The following BTBD9 variants were observed in gnomAD, a reference collection of about 807,000 sequenced individuals.
The protein encoded by BTBD9 is BTB domain containing 9.
Under a neutral mutation model 64.3 loss-of-function variants are expected in BTBD9, and 49 were observed. The observed-to-expected ratio is 0.76, with a 90% CI of 0.61 to 0.97. BTBD9 has a LOEUF of 0.97. BTBD9 is among the 50% of genes least tolerant of loss of function. BTBD9 has a pLI of 0.00. For missense variants in BTBD9, 598 were observed against 762.1 expected (o/e 0.78, Z 2.53); for synonymous variants, 260 against 274.7 (o/e 0.95, Z 0.53).
chr6:38,177,698 G>A (rs770650700), intron 10 of BTBD9, among the ~76,000 whole-genome samples: 3 of 152,194 alleles, frequency 2.0e-5, no homozygotes, highest in Non-Finnish European at 2.9e-5. Context: ...CGACCTGTCG[G>A]TGCCCTGGTT....
chr6:38,381,100 C>T (rs557659268), intron 6 of BTBD9, among the ~76,000 whole-genome samples: 72 of 151,432 alleles, frequency 4.8e-4, no homozygotes, highest in African/African-American at 1.6e-3. Flanking sequence ...CAACAAATAG[C>T]AAAAAATGAT....
chr6:38,316,262 C>T (rs1356391270), intron 7 of BTBD9, among the ~76,000 whole-genome samples: 1 of 152,156 alleles, frequency 6.6e-6, no homozygotes, highest in Non-Finnish European at 1.5e-5. Flanking sequence ...TATCCATTCA[C>T]CCACTCTATG....
At chr6:38,222,539 A>C (rs187130645) in intron 9 of BTBD9, among the ~76,000 whole-genome samples, 2 of 152,072 alleles carry the variant, frequency 1.3e-5, no homozygotes, top group Non-Finnish European at 2.9e-5. Flanking sequence ...GATTACAGGC[A>C]TGAACCACTG....
At chr6:38,609,615 C>T (rs1038677813) in intron 1 of BTBD9, among the ~76,000 whole-genome samples, 5 of 152,102 alleles carry the variant, frequency 3.3e-5, no homozygotes, top group Admixed American at 2.6e-4. Context: ...AGAACAAAAA[C>T]TCTAAAGGGT....
In BTBD9 at chr6:38,296,927, T is replaced by C. The variant is rs142134553; in HGVS notation, c.1265-8466A>G. On this transcript the variant is annotated intron_variant, in intron 7 of 10. Coordinates refer to ENST00000481247, the MANE Select transcript of BTBD9 (RefSeq NM_001099272.2). ...CTTTGTGGTCTAGTACATGGCTAAT[T>C]CTTATGAATGTCTTATGTGTGCCTC... Among the ~76,000 whole-genome samples, 265 of 152,328 alleles carry C rather than the reference T, an allele frequency of 1.7e-3. 2 individuals are homozygous for C. The highest frequency in any genetic ancestry group is 4.9e-3 in the Admixed American group (75 of 15,290).
intron 6 of BTBD9, among the ~76,000 whole-genome samples, chr6:38,460,025 A>C (rs753941813): frequency 5.3e-5 from 8 of 152,234 alleles, no homozygotes; most frequent in Non-Finnish European, 1.0e-4. Flanking sequence ...ATAAATTTCA[A>C]TTAGAAAATC....
In BTBD9 at chr6:38,598,120, T is replaced by C. The variant is rs1379949813; in HGVS notation, c.-26A>G. The C allele has an allele frequency of 6.2e-7, 1 of 1,604,546 alleles. No homozygotes were observed. Among genetic ancestry groups the C allele is most frequent in the Non-Finnish European group, 8.5e-7 (1 of 1,173,958 alleles). On this transcript the variant is annotated splice_region_variant and 5_prime_UTR_variant, in exon 2 of 11. Transcript: ENST00000481247. ...CTTGTGGAATAGACGATAGTCGTTGTTCTATCATATAAAGAAGGAATGAGA... is the reference window on the plus strand; with the variant it reads ...CTTGTGGAATAGACGATAGTCGTTGCTCTATCATATAAAGAAGGAATGAGA...
At chr6:38,186,532 T>G (rs1373530306) in intron 10 of BTBD9, among the ~76,000 whole-genome samples, 2 of 152,164 alleles carry the variant, frequency 1.3e-5, no homozygotes, top group Non-Finnish European at 2.9e-5. Context: ...TTTCCTTTAT[T>G]GCTTTCTTTG....
intron 1 of BTBD9, among the ~76,000 whole-genome samples, chr6:38,631,736 T>C (rs978559052): frequency 6.6e-6 from 1 of 152,128 alleles, no homozygotes; most frequent in African/African-American, 2.4e-5. Context: ...GCTATAGCAA[T>C]GGTCAAAAGC....
At chr6:38,493,750 G>A (rs1771805242) in intron 6 of BTBD9, among the ~76,000 whole-genome samples, 1 of 152,178 alleles carries the variant, frequency 6.6e-6, no homozygotes, top group African/African-American at 2.4e-5. Flanking sequence ...GGGGAGATGA[G>A]CACTGAACCC....
intron 7 of BTBD9, among the ~76,000 whole-genome samples, chr6:38,305,086 G>A (rs1022677613): frequency 1.3e-4 from 19 of 151,900 alleles, no homozygotes; most frequent in African/African-American, 4.4e-4. Context: ...GATAGAAAAC[G>A]ATGCCTATGT....
intron 6 of BTBD9, among the ~76,000 whole-genome samples, chr6:38,480,909 G>C (rs1048673329): frequency 8.5e-5 from 13 of 152,184 alleles, no homozygotes; most frequent in Non-Finnish European, 1.9e-4. Flanking sequence ...TGTGCGCTCT[G>C]TGCAAAATCC....
intron 9 of BTBD9, among the ~76,000 whole-genome samples, chr6:38,251,093 A>ATAATAAT (rs1554132091): frequency 2.7e-5 from 4 of 149,166 alleles, no homozygotes; most frequent in Admixed American, 1.3e-4. Flanking sequence ...GAAAAAAAAA[A>ATAATAAT]AATAATAATA....
chr6:38,472,818 A>C (rs558473634), intron 6 of BTBD9, among the ~76,000 whole-genome samples: 1 of 152,336 alleles, frequency 6.6e-6, no homozygotes, highest in South Asian at 2.1e-4. Context: ...CTCTTGCATT[A>C]CTCACATTTC....
chr6:38,570,842 G>A (rs1025134707), intron 6 of BTBD9, among the ~76,000 whole-genome samples: 2 of 152,128 alleles, frequency 1.3e-5, no homozygotes, highest in African/African-American at 4.8e-5. Context: ...AGTACAAATA[G>A]TTTCACATGT....
chr6:38,494,900 A>G (rs1771883820), intron 6 of BTBD9, among the ~76,000 whole-genome samples: 1 of 152,250 alleles, frequency 6.6e-6, no homozygotes, highest in African/African-American at 2.4e-5. Context: ...GTAAACACTT[A>G]TAATATTCTT....
At chr6:38,401,115 G>A (rs999152684) in intron 6 of BTBD9, among the ~76,000 whole-genome samples, 12 of 152,090 alleles carry the variant, frequency 7.9e-5, no homozygotes, top group Non-Finnish European at 1.5e-4. Flanking sequence ...ATCTCATCTC[G>A]AATTGTAATC....
At chr6:38,237,748 G>GA (rs1487723733) in intron 9 of BTBD9, among the ~76,000 whole-genome samples, 1 of 151,832 alleles carries the variant, frequency 6.6e-6, no homozygotes, top group African/African-American at 2.4e-5. Flanking sequence ...CAAGTGTCAA[G>GA]AAAAAATAAA....
chr6:38,248,474 A>G (rs1388714600), intron 9 of BTBD9, among the ~76,000 whole-genome samples: 2 of 152,256 alleles, frequency 1.3e-5, no homozygotes, highest in Non-Finnish European at 2.9e-5. Flanking sequence ...AGACAGAATT[A>G]CTATTCAACG....
Sources: gnomAD v4.1 joint callset for allele counts (sites outside exome capture counted in the v4.1 genomes callset) on GRCh38, gnomAD v4.1.1 for gene constraint, MANE v1.5 for transcripts, NCBI Gene and HGNC (gene_info 2026-07-23, HGNC 2026-07-21) for gene names.